GAS7: variants seen among roughly 807,000 people sequenced by gnomAD.
GAS7 encodes the protein growth arrest specific 7.
Under a neutral mutation model 71.1 loss-of-function variants are expected in GAS7, and 28 were observed. The observed-to-expected ratio is 0.39, with a 90% CI of 0.29 to 0.54. The LOEUF is 0.54. Ranked by LOEUF, GAS7 falls within the 20% of genes least tolerant of loss-of-function variation. The pLI is 0.62. For synonymous variants in GAS7, 258 were observed against 245.8 expected (o/e 1.05, Z -0.46); for missense variants, 436 against 627.8 (o/e 0.69, Z 3.27).
intron 1 of GAS7, among the ~76,000 whole-genome samples, chr17:10,071,344 G>A (rs1052002520): frequency 1.3e-5 from 2 of 152,182 alleles, no homozygotes; most frequent in African/African-American, 4.8e-5. Flanking sequence ...CCCTGGGTCT[G>A]TGCCCAGGAT....
Position 9,925,617 on chromosome 17 carries a change from G to A in GAS7, c.1015-18C>T, listed in dbSNP as rs763433065. Reference sequence around the variant, plus strand: ...TTCCGGGCCTGGGGTCCAAGGACACGGAGAAGCTGCTCATACAGCTCGGAG... The same window carrying A: ...TTCCGGGCCTGGGGTCCAAGGACACAGAGAAGCTGCTCATACAGCTCGGAG... On this transcript the variant is annotated intron_variant, in intron 10 of 13. Coordinates refer to ENST00000432992, the MANE Select transcript of GAS7 (RefSeq NM_201433.2). 17 of 1,613,962 alleles carry A rather than the reference G, an allele frequency of 1.1e-5. No homozygotes were observed. Among genetic ancestry groups the A allele is most frequent in the Middle Eastern group, 3.3e-4 (2 of 6,062 alleles).
At chr17:10,122,602 C>T (rs1238130411) in intron 1 of GAS7, among the ~76,000 whole-genome samples, 1 of 152,116 alleles carries the variant, frequency 6.6e-6, no homozygotes, top group African/African-American at 2.4e-5. Flanking sequence ...GAAAGCCTAC[C>T]CCCACTTGTG....
intron 1 of GAS7, among the ~76,000 whole-genome samples, chr17:10,169,463 C>T (rs2074319267): frequency 1.3e-5 from 2 of 152,120 alleles, no homozygotes; most frequent in Non-Finnish European, 1.5e-5. Context: ...GCTAACAACA[C>T]CAGGAAGGGT....
chr17:9,999,858 T>G (rs1465241860), intron 2 of GAS7, among the ~76,000 whole-genome samples: 1 of 148,920 alleles, frequency 6.7e-6, no homozygotes, highest in Non-Finnish European at 1.5e-5. Flanking sequence ...ATCTTATAGT[T>G]GAAGGAAATA....
chr17:9,956,991 T>C lies in GAS7; in HGVS notation c.525+2211A>G, dbSNP rs971496294. 4.6e-5 allele frequency among the ~76,000 whole-genome samples: 7 copies of C among 152,292 alleles called. No homozygotes were observed. In the East Asian group the frequency reaches 9.7e-4, roughly 21 times the overall value. On this transcript the variant is annotated intron_variant, in intron 5 of 13. Coordinates refer to ENST00000432992, the MANE Select transcript of GAS7 (RefSeq NM_201433.2). ...AAAGGCACCAAGGCCTGGAGACCTG[T>C]GGGCCAAGGCCAGGTGGTACACCGG...
chr17:10,179,365 C>G lies in GAS7; in HGVS notation c.183+18843G>C, dbSNP rs79457314. On this transcript the variant is annotated intron_variant, in intron 1 of 13. Coordinates refer to ENST00000432992, the MANE Select transcript of GAS7 (RefSeq NM_201433.2). ...AAAAAAATTCATAGGTCCTGTGACA[C>G]CAAATGAGAGGAGAGTATTTTCCCT... Among the ~76,000 whole-genome samples the G allele has an allele frequency of 4.4e-3, 664 of 151,944 alleles. 8 individuals are homozygous for G. The highest frequency in any genetic ancestry group is 0.015 in the African/African-American group (637 of 41,450).
Position 9,916,973 on chromosome 17 carries a change from G to A in GAS7, c.*255C>T, listed in dbSNP as rs977399881. 17 of 545,296 alleles carry A rather than the reference G, an allele frequency of 3.1e-5. No homozygotes were observed. The highest frequency in any genetic ancestry group is 1.3e-4 in the African/African-American group (7 of 53,364). 33.8% of individuals were successfully genotyped at this position (545,296 alleles called of 1,614,324 possible). A position where few individuals can be genotyped will look rare whatever the true frequency, so the allele number is the denominator to read the frequency against. On this transcript the variant is annotated 3_prime_UTR_variant, in exon 14 of 14. Transcript: ENST00000432992. ...TTCCAGCCTCTGTTTGTTTCAGAGC[G>A]GCAAGCACAGCATGGGAGTCAGGGG...
chr17:9,941,129 G>A (rs778242643), intron 7 of GAS7, among the ~76,000 whole-genome samples: 5 of 152,174 alleles, frequency 3.3e-5, no homozygotes, highest in South Asian at 4.1e-4. Context: ...GCAGCATTCC[G>A]AGTAATAATA....
chr17:9,985,414 C>T (rs1384452257), intron 2 of GAS7, among the ~76,000 whole-genome samples: 1 of 152,190 alleles, frequency 6.6e-6, no homozygotes, highest in Non-Finnish European at 1.5e-5. Context: ...TAACTTGCCT[C>T]GCCGATCTCT....
chr17:9,943,906 G>A (rs562979008), intron 6 of GAS7, among the ~76,000 whole-genome samples: 112 of 152,278 alleles, frequency 7.4e-4, no homozygotes, highest in African/African-American at 2.6e-3. Flanking sequence ...CCACCTTCAT[G>A]TGGTCATTTC....
chr17:10,188,367 C>T (rs530828398), intron 1 of GAS7, among the ~76,000 whole-genome samples: 1 of 152,260 alleles, frequency 6.6e-6, no homozygotes, highest in African/African-American at 2.4e-5. Context: ...TGTTGTTCAT[C>T]TTGTGCTATC....
At chr17:10,122,088 TCAA>T (rs2073909141) in intron 1 of GAS7, among the ~76,000 whole-genome samples, 1 of 151,890 alleles carries the variant, frequency 6.6e-6, no homozygotes, top group Non-Finnish European at 1.5e-5. Flanking sequence ...AGCACCATCA[TCAA>T]CGAGATGTAA....
intron 1 of GAS7, among the ~76,000 whole-genome samples, chr17:10,110,851 C>T (rs2073804778): frequency 6.6e-6 from 1 of 152,158 alleles, no homozygotes; most frequent in Non-Finnish European, 1.5e-5. Flanking sequence ...TTTGAAACAG[C>T]TAGAAGAATG....
intron 1 of GAS7, among the ~76,000 whole-genome samples, chr17:10,188,501 C>T (rs1167201796): frequency 6.6e-6 from 1 of 152,128 alleles, no homozygotes; most frequent in Admixed American, 6.6e-5. Flanking sequence ...AGCTCAGGAC[C>T]ATTTCCTTAC....
chr17:9,996,583 C>CTA lies in GAS7; in HGVS notation c.305-14701_305-14700dup, dbSNP rs746293713. On this transcript the variant is annotated intron_variant, in intron 2 of 13. Transcript: ENST00000432992. Reference sequence around the variant, plus strand: ...GTATAATTTAAAAAAAAAAAAAAGACTATATATATATGTGTGTGTGTGTGT... The same window carrying CTA: ...GTATAATTTAAAAAAAAAAAAAAGACTATATATATATATGTGTGTGTGTGTGT... Among the ~76,000 whole-genome samples, 318 of 128,090 alleles carry CTA rather than the reference C, an allele frequency of 2.5e-3. 1 individual carries two copies. Among genetic ancestry groups the CTA allele is most frequent in the African/African-American group, 3.4e-3 (99 of 29,524 alleles). 84.0% of individuals were successfully genotyped at this position (128,090 alleles called of 152,430 possible). A position where few individuals can be genotyped will look rare whatever the true frequency, so the allele number is the denominator to read the frequency against.
At chr17:9,972,299 C>T (rs2070002142) in intron 3 of GAS7, among the ~76,000 whole-genome samples, 1 of 152,132 alleles carries the variant, frequency 6.6e-6, no homozygotes, top group Non-Finnish European at 1.5e-5. Context: ...GCTGAGGGGG[C>T]CAAGGAGAAT....
chr17:9,995,838 G>A (rs1175170991), intron 2 of GAS7, among the ~76,000 whole-genome samples: 1 of 152,140 alleles, frequency 6.6e-6, no homozygotes, highest in African/African-American at 2.4e-5. Flanking sequence ...AAGACTCTTG[G>A]GAAGTGACCT....
intron 2 of GAS7, among the ~76,000 whole-genome samples, chr17:10,016,420 GAA>G (rs201555299): frequency 0.012 from 1,797 of 145,598 alleles, 19 homozygotes; most frequent in Non-Finnish European, 0.021. Context: ...AACAAGTAAT[GAA>G]TAAAACTGGC....
chr17:10,185,684 C>T (rs1175740431), intron 1 of GAS7, among the ~76,000 whole-genome samples: 2 of 152,198 alleles, frequency 1.3e-5, no homozygotes, highest in Non-Finnish European at 2.9e-5. Flanking sequence ...AAGTGGGGCA[C>T]TCTTGTGGGA....
Sources: allele counts gnomAD v4.1 joint callset (sites outside exome capture counted in the v4.1 genomes callset), GRCh38; gene constraint gnomAD v4.1.1; transcripts MANE v1.5; gene names NCBI Gene and HGNC (gene_info 2026-07-23, HGNC 2026-07-21).